The following APBA2 variants were observed in gnomAD, a reference collection of about 807,000 sequenced individuals.
APBA2 encodes amyloid beta precursor protein binding family A member 2.
Under a neutral mutation model 75.0 loss-of-function variants are expected in APBA2, and 30 were observed. The observed-to-expected ratio is 0.40, with a 90% CI of 0.30 to 0.54. The LOEUF (loss-of-function observed/expected upper bound fraction) is 0.54. Ranked by LOEUF, APBA2 falls within the 20% of genes least tolerant of loss-of-function variation. The probability of loss-of-function intolerance (pLI) is 0.49; values close to 1 mark genes in which losing one functional copy is unlikely to be tolerated. For synonymous variants in APBA2, 444 were observed against 409.6 expected, an observed-to-expected ratio of 1.08 and a Z score of -1.01; for missense variants, 801 against 1,016.1, an observed-to-expected ratio of 0.79 and a Z score of 2.88.
In APBA2 at chr15:29,117,209, C is replaced by A; in HGVS notation, c.*76C>A. The A allele has an allele frequency of 7.1e-7, 1 of 1,412,246 alleles. No homozygotes were observed. The highest frequency in any genetic ancestry group is 1.0e-6 in the Non-Finnish European group (1 of 1,000,344). 87.5% of individuals were successfully genotyped at this position (1,412,246 alleles called of 1,614,324 possible). A position where few individuals can be genotyped will look rare whatever the true frequency, so the allele number is the denominator to read the frequency against. On this transcript the variant is annotated 3_prime_UTR_variant, in exon 15 of 15. Transcript: ENST00000683413. ...CCCAGAGGAGCTGGGAGCCGGGCCG[C>A]AGACTTGACCCCGACGCCACAGCCC...
intron 2 of APBA2, among the ~76,000 whole-genome samples, chr15:28,962,546 C>T (rs553413340): frequency 1.7e-4 from 25 of 150,882 alleles, no homozygotes; most frequent in Middle Eastern, 3.4e-3. Flanking sequence ...TCCAGCCTGG[C>T]GACAGTGAGA....
In APBA2 at chr15:29,106,599, C is replaced by T. The variant is rs767884372; in HGVS notation, c.1705-8C>T. On this transcript the variant is annotated splice_region_variant and splice_polypyrimidine_tract_variant and intron_variant, in intron 11 of 14. Transcript: ENST00000683413. Reference sequence around the variant, plus strand: ...CCAGCCCCTCTCACACTGCTGATCCCTTTGCAGCTGCAGCTGGAGAAGCAC... The same window carrying T: ...CCAGCCCCTCTCACACTGCTGATCCTTTTGCAGCTGCAGCTGGAGAAGCAC... 4.3e-6 allele frequency: 7 copies of T among 1,613,144 alleles called. No individual in the cohort carries two copies. Among genetic ancestry groups the T allele is most frequent in the Non-Finnish European group, 4.2e-6 (5 of 1,180,008 alleles).
intron 2 of APBA2, among the ~76,000 whole-genome samples, chr15:28,947,793 A>G (rs1444280040): frequency 4.6e-5 from 7 of 152,236 alleles, no homozygotes; most frequent in Non-Finnish European, 1.5e-5. Context: ...CTTTTTACTC[A>G]GTACCAGGAC....
intron 3 of APBA2, among the ~76,000 whole-genome samples, 195 bp from the exon 4 acceptor site, chr15:29,053,650 C>T (rs1320913054): frequency 2.6e-5 from 4 of 151,992 alleles, no homozygotes; most frequent in Non-Finnish European, 5.9e-5. Flanking sequence ...TCTGTGTGCC[C>T]TCGTTCTCCT....
chr15:28,981,612 A>G (rs1334450497), intron 2 of APBA2, among the ~76,000 whole-genome samples: 1 of 152,180 alleles, frequency 6.6e-6, no homozygotes, highest in African/African-American at 2.4e-5. Context: ...TTCTCAAAGG[A>G]CTTAAAACAG....
At chr15:29,096,151 C>G (rs545449772) in intron 8 of APBA2, among the ~76,000 whole-genome samples, 8 of 152,260 alleles carry the variant, frequency 5.3e-5, no homozygotes, top group Admixed American at 3.3e-4. Context: ...CCTGGCCCGG[C>G]CACAGCCATG....
At chr15:29,012,289 C>T in intron 3 of APBA2, among the ~76,000 whole-genome samples, 1 of 152,146 alleles carries the variant, frequency 6.6e-6, no homozygotes, top group Non-Finnish European at 1.5e-5. Flanking sequence ...TTCCTTGTTT[C>T]TGATGACCTT....
intron 3 of APBA2, among the ~76,000 whole-genome samples, chr15:29,041,666 T>C (rs918526251): frequency 3.3e-5 from 5 of 152,082 alleles, no homozygotes; most frequent in African/African-American, 1.2e-4. Flanking sequence ...TTTTGGAAGA[T>C]TCAGTATAGT....
intron 2 of APBA2, among the ~76,000 whole-genome samples, chr15:28,940,047 C>G (rs955258141): frequency 6.6e-6 from 1 of 152,084 alleles, no homozygotes; most frequent in Non-Finnish European, 1.5e-5. Context: ...TGTGGTTTCC[C>G]GGAATCCTGT....
intron 2 of APBA2, among the ~76,000 whole-genome samples, chr15:28,959,520 G>A (rs557166465): frequency 6.6e-6 from 1 of 152,336 alleles, no homozygotes; most frequent in South Asian, 2.1e-4. Flanking sequence ...GAAGACAGCC[G>A]TATGTGAGCC....
At chr15:28,908,128 T>G (rs2152643898) in intron 1 of APBA2, among the ~76,000 whole-genome samples, 1 of 152,264 alleles carries the variant, frequency 6.6e-6, no homozygotes, top group South Asian at 2.1e-4. Flanking sequence ...CTGAGCTGTT[T>G]GTGGTGTAGA....
At chr15:28,960,607 C>A (rs2036416993) in intron 2 of APBA2, among the ~76,000 whole-genome samples, 1 of 151,998 alleles carries the variant, frequency 6.6e-6, no homozygotes, top group African/African-American at 2.4e-5. Flanking sequence ...TCCTAGGTTC[C>A]CCTTTAGGAA....
intron 1 of APBA2, among the ~76,000 whole-genome samples, chr15:28,901,253 G>A (rs890417744): frequency 2.0e-5 from 3 of 152,202 alleles, no homozygotes; most frequent in Non-Finnish European, 4.4e-5. Context: ...ATCTGAAAGG[G>A]TGTCTGAGGG....
chr15:28,914,589 C>T (rs1234727958), intron 1 of APBA2, among the ~76,000 whole-genome samples: 1 of 152,050 alleles, frequency 6.6e-6, no homozygotes, highest in Non-Finnish European at 1.5e-5. Flanking sequence ...TGTCCCGGGT[C>T]CTGCTGCCCC....
chr15:29,039,626 C>G (rs1164517265), intron 3 of APBA2, among the ~76,000 whole-genome samples: 6 of 152,130 alleles, frequency 3.9e-5, no homozygotes, highest in Non-Finnish European at 8.8e-5. Context: ...GGTTTAGGCC[C>G]GAGGACCACA....
chr15:29,022,444 G>C (rs925298773), intron 3 of APBA2, among the ~76,000 whole-genome samples: 1 of 152,046 alleles, frequency 6.6e-6, no homozygotes, highest in Non-Finnish European at 1.5e-5. Flanking sequence ...ACATTTTAGA[G>C]TCACCTATTT....
intron 4 of APBA2, among the ~76,000 whole-genome samples, chr15:29,066,193 G>A (rs1257565427): frequency 6.6e-6 from 1 of 152,088 alleles, no homozygotes; most frequent in Non-Finnish European, 1.5e-5. Flanking sequence ...AGATATACTT[G>A]TGTTCATCTT....
intron 1 of APBA2, among the ~76,000 whole-genome samples, chr15:28,892,677 G>A (rs1414777782): frequency 6.6e-6 from 1 of 150,958 alleles, no homozygotes; most frequent in Non-Finnish European, 1.5e-5. Flanking sequence ...GTATATATGT[G>A]TGTATGTATG....
chr15:29,115,006 CTGTG>C (rs145082040), intron 14 of APBA2, among the ~76,000 whole-genome samples: 23 of 149,906 alleles, frequency 1.5e-4, no homozygotes, highest in African/African-American at 4.7e-4. Flanking sequence ...GTGGGTGTGT[CTGTG>C]TGTGTGTAGG....
Sources: gnomAD v4.1 joint callset for allele counts (sites outside exome capture counted in the v4.1 genomes callset) on GRCh38, gnomAD v4.1.1 for gene constraint, MANE v1.5 for transcripts, NCBI Gene and HGNC (gene_info 2026-07-23, HGNC 2026-07-21) for gene names.